The following SHLD2 variants were observed in gnomAD, a reference collection of about 807,000 sequenced individuals.
SHLD2 encodes shieldin complex subunit 2, also known as RINN1-REV7-interacting novel NHEJ regulator 2.
SHLD2 carries 30 observed loss-of-function variants against 73.2 expected under a neutral mutation model. That is an observed-to-expected ratio of 0.41 (90% CI 0.31 to 0.56). SHLD2 has a LOEUF of 0.56. Ranked by LOEUF, SHLD2 falls within the 20% of genes least tolerant of loss-of-function variation. SHLD2 has a pLI of 0.28. For synonymous variants in SHLD2, 285 were observed against 370.1 expected (o/e 0.77, Z 2.64); for missense variants, 745 against 1,055.9 (o/e 0.71, Z 4.08).
intron 8 of SHLD2, 53 bp from the exon 9 acceptor site, chr10:87,187,030 ATT>A (rs1848663687): frequency 8.7e-7 from 1 of 1,147,800 alleles, no homozygotes; most frequent in African/African-American, 1.5e-5. Flanking sequence ...TCATTTAAGC[ATT>A]TCTTTTATCT....
intron 2 of SHLD2, among the ~76,000 whole-genome samples, chr10:87,109,085 C>T (rs1488360299): frequency 6.6e-6 from 1 of 152,156 alleles, no homozygotes; most frequent in Non-Finnish European, 1.5e-5. Context: ...TGCTGATATG[C>T]TTGGGACCCT....
intron 1 of SHLD2, among the ~76,000 whole-genome samples, chr10:87,095,922 C>A: frequency 6.6e-6 from 1 of 152,166 alleles, no homozygotes; most frequent in Admixed American, 6.5e-5. Flanking sequence ...CAGAGGGAGA[C>A]CCTATCTCCC....
chr10:87,125,888 C>T (rs1218452287), intron 2 of SHLD2, among the ~76,000 whole-genome samples: 1 of 151,884 alleles, frequency 6.6e-6, no homozygotes, highest in East Asian at 1.9e-4. Flanking sequence ...GATCACGCCA[C>T]TGCACTCCAG....
At chr10:87,118,070 A>G (rs1843362888) in intron 2 of SHLD2, among the ~76,000 whole-genome samples, 2 of 152,288 alleles carry the variant, frequency 1.3e-5, no homozygotes, top group South Asian at 2.1e-4. Context: ...GCTCTGTTCT[A>G]AGGCTCCCAC....
intron 2 of SHLD2, among the ~76,000 whole-genome samples, chr10:87,137,277 T>C (rs1736974136): frequency 6.6e-6 from 1 of 151,796 alleles, no homozygotes; most frequent in African/African-American, 2.4e-5. Context: ...GGGATTTCTG[T>C]AGAGTCATGG....
intron 6 of SHLD2, among the ~76,000 whole-genome samples, chr10:87,172,818 A>G (rs1847683928): frequency 6.6e-6 from 1 of 152,188 alleles, no homozygotes; most frequent in East Asian, 1.9e-4. Context: ...ATGTATCTAT[A>G]AGTACATATG....
At chr10:87,094,796 A>G (rs1841688355), upstream of SHLD2, 1 of 1,511,428 alleles carries the variant, frequency 6.6e-7, no homozygotes, top group South Asian at 1.2e-5. This position sits in a 1 kb window ranked among gnomAD's most constrained non-coding sequence, Gnocchi z 6.6. Context: ...GAGGTGCGTG[A>G]TGGTCGCGAA....
At chr10:87,095,760 T>A (rs545294791) in intron 1 of SHLD2, among the ~76,000 whole-genome samples, 2 of 152,328 alleles carry the variant, frequency 1.3e-5, no homozygotes, top group African/African-American at 4.8e-5. Flanking sequence ...TACTGACTGC[T>A]TCACCTTTGC....
intron 2 of SHLD2, chr10:87,114,442 A>G (rs1348406677): frequency 6.6e-6 from 1 of 152,218 alleles, no homozygotes; most frequent in Non-Finnish European, 1.5e-5. Flanking sequence ...AAGTCAGTCA[A>G]GCCCGTGTGC....
At chr10:87,165,297 T>C (rs1354078362) in intron 4 of SHLD2, among the ~76,000 whole-genome samples, 1 of 151,998 alleles carries the variant, frequency 6.6e-6, no homozygotes, top group Non-Finnish European at 1.5e-5. Context: ...CTAAAATTAG[T>C]AGGTGAAAGT....
intron 2 of SHLD2, among the ~76,000 whole-genome samples, chr10:87,110,182 A>C (rs1303684996): frequency 6.6e-6 from 1 of 152,122 alleles, no homozygotes; most frequent in Admixed American, 6.6e-5. Context: ...CCAGCTACTC[A>C]GGAGACTGAG....
intron 4 of SHLD2, among the ~76,000 whole-genome samples, chr10:87,159,466 C>T (rs893268764): frequency 5.5e-4 from 83 of 151,290 alleles, no homozygotes; most frequent in African/African-American, 1.8e-3. Context: ...GAAGACAGAC[C>T]AAAAAAAATG....
chr10:87,102,948 G>C (rs1345058798), intron 2 of SHLD2, among the ~76,000 whole-genome samples: 1 of 151,590 alleles, frequency 6.6e-6, no homozygotes, highest in Non-Finnish European at 1.5e-5. Flanking sequence ...GTGGTGGCTC[G>C]CTCCTGTAAT....
intron 2 of SHLD2, among the ~76,000 whole-genome samples, chr10:87,129,965 A>AT (rs903428751): frequency 4.6e-5 from 7 of 152,096 alleles, no homozygotes; most frequent in Non-Finnish European, 8.8e-5. Flanking sequence ...TTATTTATTT[A>AT]TTTTTTTATT....
rs187612497 is a variant in SHLD2 at position 87,140,959 on chromosome 10, C to T, written c.-5-10391C>T. The stretch of plus-strand genomic sequence containing the variant: ...TTCCACCCAGGGTGATAAAGCATGA[C>T]GGGAGATCCTGTCTCAAAACAAAAC... On this transcript the variant is annotated intron_variant, in intron 2 of 9. Transcript: ENST00000298786. Among the ~76,000 whole-genome samples, 640 of 151,372 alleles carry T rather than the reference C, an allele frequency of 4.2e-3. 3 individuals carry two copies. Among genetic ancestry groups the T allele is most frequent in the East Asian group, 0.022 (112 of 5,118 alleles).
chr10:87,128,230 C>T (rs183719304), intron 2 of SHLD2, among the ~76,000 whole-genome samples: 1 of 152,250 alleles, frequency 6.6e-6, no homozygotes, highest in Admixed American at 6.5e-5. Flanking sequence ...TTTCAAGAAA[C>T]ATTTAAAAAA....
At chr10:87,112,305 TAAAC>T (rs1334086054) in intron 2 of SHLD2, among the ~76,000 whole-genome samples, 1 of 149,750 alleles carries the variant, frequency 6.7e-6, no homozygotes, top group Admixed American at 6.6e-5. Context: ...AATGGCCAAA[TAAAC>T]ACATGAAATA....
intron 2 of SHLD2, among the ~76,000 whole-genome samples, chr10:87,111,000 C>T (rs1206249048): frequency 4.0e-5 from 6 of 151,844 alleles, no homozygotes; most frequent in African/African-American, 7.3e-5. Flanking sequence ...CGCACCACCA[C>T]GCCTGGCTAA....
intron 2 of SHLD2, among the ~76,000 whole-genome samples, chr10:87,149,163 C>T (rs1284723571): frequency 1.3e-5 from 2 of 151,810 alleles, no homozygotes; most frequent in Admixed American, 1.3e-4. Context: ...GCGGGGATTA[C>T]AGGCGTGAGC....
Sources: gnomAD v4.1 joint callset for allele counts (sites outside exome capture counted in the v4.1 genomes callset) on GRCh38, gnomAD v4.1.1 for gene constraint, Gnocchi (gnomAD v3.1) non-coding constraint, MANE v1.5 for transcripts, NCBI Gene and HGNC (gene_info 2026-07-23, HGNC 2026-07-21) for gene names.